The following DPF3 variants were observed in gnomAD, a reference collection of about 807,000 sequenced individuals.
DPF3 encodes zinc finger protein DPF3.
Under a neutral mutation model 56.8 loss-of-function variants are expected in DPF3, and 18 were observed. The observed-to-expected ratio is 0.32, with a 90% confidence interval of 0.22 to 0.47. The LOEUF (loss-of-function observed/expected upper bound fraction) is 0.47, where lower values mean the gene tolerates loss of function less well. Ranked by LOEUF, DPF3 falls within the 20% of genes least tolerant of loss-of-function variation. The pLI, the probability that DPF3 is intolerant of heterozygous loss-of-function variation, is 1.00. For missense variants in DPF3, 403 were observed against 488.8 expected (o/e 0.82, Z 1.65); for synonymous variants, 188 against 180.2 (o/e 1.04, Z -0.35).
rs574505030 is a variant in DPF3, at chr14:72,834,138, A to G, written c.32+59919T>C. Among the ~76,000 whole-genome samples the G allele has an allele frequency of 2.6e-5, 4 of 151,474 alleles. No homozygotes were observed. The South Asian group carries it at 8.3e-4, about 32-fold the overall frequency. ...GGTTGCCGTGAGCCGAGACTGCGCC[A>G]TTGCACTCCAGCCCGAGTGACAGAG... On this transcript the variant is annotated intron_variant, in intron 1 of 10. Coordinates refer to ENST00000556509, the MANE Select transcript of DPF3 (RefSeq NM_001280542.3).
chr14:72,840,781 T>C (rs548846749), intron 1 of DPF3, among the ~76,000 whole-genome samples: 8 of 152,354 alleles, frequency 5.3e-5, no homozygotes, highest in African/African-American at 1.9e-4. Context: ...AATAAATTCC[T>C]TGACAGTATG....
At chr14:72,865,384 G>A (rs567714755) in intron 1 of DPF3, among the ~76,000 whole-genome samples, 12 of 152,322 alleles carry the variant, frequency 7.9e-5, no homozygotes, top group South Asian at 2.1e-4. Flanking sequence ...AGCATGATGC[G>A]GGGACAATAT....
intron 4 of DPF3, among the ~76,000 whole-genome samples, chr14:72,729,526 A>G (rs1205648778): frequency 2.0e-5 from 3 of 152,174 alleles, no homozygotes; most frequent in Non-Finnish European, 4.4e-5. Flanking sequence ...AAATGATAAG[A>G]ATAGACTTAA....
At chr14:72,876,236 C>T (rs921598416) in intron 1 of DPF3, among the ~76,000 whole-genome samples, 2 of 152,130 alleles carry the variant, frequency 1.3e-5, no homozygotes, top group Non-Finnish European at 2.9e-5. Context: ...CCAGTGTGGG[C>T]CCCACAGGGT....
intron 6 of DPF3, among the ~76,000 whole-genome samples, chr14:72,704,948 G>C (rs1599371478): frequency 6.6e-6 from 1 of 152,090 alleles, no homozygotes; most frequent in Admixed American, 6.6e-5. Flanking sequence ...CGGTCATCAG[G>C]CTTCAGGCTT....
chr14:72,669,449 A>T (rs1886577015), intron 8 of DPF3, among the ~76,000 whole-genome samples: 1 of 152,158 alleles, frequency 6.6e-6, no homozygotes. Flanking sequence ...TTTTGTGCCT[A>T]ATCAGGGATC....
At chr14:72,777,046 G>A (rs946027824) in intron 1 of DPF3, among the ~76,000 whole-genome samples, 2 of 152,100 alleles carry the variant, frequency 1.3e-5, no homozygotes, top group African/African-American at 4.8e-5. Flanking sequence ...CAGGACCTTG[G>A]CCCATCACTA....
rs764049537 is a variant in DPF3 at position 72,765,938 on chromosome 14, AGT to A, written c.193+5793_193+5794del. Among the ~76,000 whole-genome samples, 131 of 152,314 alleles carry A rather than the reference AGT, an allele frequency of 8.6e-4. 1 individual carries two copies. The highest frequency in any genetic ancestry group is 1.7e-3 in the Non-Finnish European group (114 of 68,014). On this transcript the variant is annotated intron_variant, in intron 2 of 10. Transcript: ENST00000556509. ...CAAAAAAAAACAAAAGGGAGTATAC[AGT>A]GTGTGTTTCTGGTATAGAAAGCAAA...
At chr14:72,740,770 A>G (rs1181852817) in intron 3 of DPF3, among the ~76,000 whole-genome samples, 1 of 152,214 alleles carries the variant, frequency 6.6e-6, no homozygotes, top group Non-Finnish European at 1.5e-5. Flanking sequence ...TTCCCAGTTC[A>G]TCTCTGTGCC....
At chr14:72,778,852 AT>A (rs1891855971) in intron 1 of DPF3, among the ~76,000 whole-genome samples, 1 of 152,256 alleles carries the variant, frequency 6.6e-6, no homozygotes, top group African/African-American at 2.4e-5. Flanking sequence ...TATAATATCA[AT>A]TTCAACTCAA....
intron 1 of DPF3, among the ~76,000 whole-genome samples, chr14:72,776,427 G>A (rs573069992): frequency 1.2e-4 from 19 of 152,210 alleles, no homozygotes; most frequent in African/African-American, 4.6e-4. Flanking sequence ...CATCTGAATT[G>A]AGAAGCCAGC....
intron 3 of DPF3, 107 bp downstream of exon 3, chr14:72,753,157 A>G: frequency 2.0e-6 from 2 of 978,724 alleles, no homozygotes; most frequent in Non-Finnish European, 3.0e-6. Context: ...CCTCTCCCAG[A>G]AAACTTAGCT....
At chr14:72,818,156 C>T (rs1953955280) in intron 1 of DPF3, among the ~76,000 whole-genome samples, 1 of 151,732 alleles carries the variant, frequency 6.6e-6, no homozygotes, top group Non-Finnish European at 1.5e-5. Context: ...CACAAGAATC[C>T]CTTGAACCCA....
intron 1 of DPF3, among the ~76,000 whole-genome samples, chr14:72,861,160 T>C (rs1046358171): frequency 6.6e-6 from 1 of 151,964 alleles, no homozygotes; most frequent in Non-Finnish European, 1.5e-5. Flanking sequence ...TCTGTCTCCT[T>C]CCTCCCTCCC....
chr14:72,725,713 TG>T (rs1328587617), intron 4 of DPF3, among the ~76,000 whole-genome samples: 2 of 152,116 alleles, frequency 1.3e-5, no homozygotes, highest in Non-Finnish European at 2.9e-5. Flanking sequence ...TAACCATCGC[TG>T]TTTAAGCCGC....
intron 3 of DPF3, among the ~76,000 whole-genome samples, chr14:72,736,950 G>A (rs991895734): frequency 1.3e-5 from 2 of 151,298 alleles, no homozygotes; most frequent in East Asian, 3.9e-4. Context: ...TCTCCAGAGC[G>A]GCAGCAGCTG....
intron 7 of DPF3, chr14:72,675,897 A>G (rs1886887919): frequency 6.6e-6 from 1 of 152,220 alleles, no homozygotes; most frequent in East Asian, 1.9e-4. Context: ...ACACATTTGC[A>G]TGGCATACAG....
intron 5 of DPF3, among the ~76,000 whole-genome samples, chr14:72,719,194 C>T (rs1285649076): frequency 6.6e-6 from 1 of 151,754 alleles, no homozygotes; most frequent in Non-Finnish European, 1.5e-5. Flanking sequence ...CTCAGCCTCC[C>T]AAGTAGCTGT....
chr14:72,849,481 G>A (rs189447620), intron 1 of DPF3, among the ~76,000 whole-genome samples: 21 of 152,248 alleles, frequency 1.4e-4, no homozygotes, highest in African/African-American at 1.9e-4. Context: ...AGCATCCCCC[G>A]GGGCCGCCTT....
Sources: gnomAD v4.1 joint callset for allele counts (sites outside exome capture counted in the v4.1 genomes callset) on GRCh38, gnomAD v4.1.1 for gene constraint, MANE v1.5 for transcripts, NCBI Gene and HGNC (gene_info 2026-07-23, HGNC 2026-07-21) for gene names.